DYNC1I1: variants seen among roughly 807,000 people sequenced by gnomAD.
DYNC1I1 encodes the protein dynein cytoplasmic 1 intermediate chain 1, also known as cytoplasmic dynein 1 intermediate chain 1.
In DYNC1I1, 43 loss-of-function variants were observed where a neutral mutation model predicts 86.6. That is an observed-to-expected ratio of 0.50 (90% CI 0.39 to 0.64). The LOEUF is 0.64. Ranked by LOEUF, DYNC1I1 falls within the 30% of genes least tolerant of loss-of-function variation. DYNC1I1 has a pLI of 0.00. For missense variants in DYNC1I1, 604 were observed against 788.8 expected (o/e 0.77, Z 2.81); for synonymous variants, 262 against 283.7 (o/e 0.92, Z 0.77).
intron 6 of DYNC1I1, among the ~76,000 whole-genome samples, chr7:95,903,007 A>T (rs319300): frequency 0.93 from 141,851 of 152,212 alleles, 66,464 homozygotes; most frequent in Non-Finnish European, 0.98. Context: ...ACTCAGGAAC[A>T]TCATTAATTT....
In DYNC1I1 at chr7:95,845,573, G is replaced by T. The variant is rs948170948; in HGVS notation, c.374+17457G>T. Among the ~76,000 whole-genome samples the T allele has an allele frequency of 3.9e-5, 6 of 152,296 alleles. 1 individual carries two copies. The highest frequency in any genetic ancestry group is 3.9e-4 in the Admixed American group (6 of 15,290). ...TGCCTGGTATGTTCTTGAGAATAAT[G>T]CCAGTTGAATTCTTTGAGCAAGTTG... On this transcript the variant is annotated intron_variant, in intron 5 of 16. Coordinates refer to ENST00000447467, the MANE Select transcript of DYNC1I1 (RefSeq NM_001135556.2).
At chr7:95,968,824 CTGTGTG>C (rs56022930) in intron 6 of DYNC1I1, among the ~76,000 whole-genome samples, 2,069 of 94,358 alleles carry the variant, frequency 0.022, 30 homozygotes, top group South Asian at 0.07. Context: ...ATTTTTTGCT[CTGTGTG>C]TGTGTGTGTG....
chr7:95,983,369 A>G (rs536065363), intron 7 of DYNC1I1, among the ~76,000 whole-genome samples: 1 of 152,298 alleles, frequency 6.6e-6, no homozygotes, highest in African/African-American at 2.4e-5. Flanking sequence ...TTCTTCTGCT[A>G]TAATGGATGA....
At chr7:95,786,406 C>T (rs151273486) in intron 1 of DYNC1I1, among the ~76,000 whole-genome samples, 13 of 152,224 alleles carry the variant, frequency 8.5e-5, no homozygotes, top group African/African-American at 2.4e-4. Flanking sequence ...CTCTTTAGTA[C>T]GTTATACCTT....
At chr7:95,862,748 C>T (rs1446038706) in intron 5 of DYNC1I1, among the ~76,000 whole-genome samples, 1 of 152,164 alleles carries the variant, frequency 6.6e-6, no homozygotes, top group Non-Finnish European at 1.5e-5. Context: ...AAAATGTGTA[C>T]AGCCATCTCT....
intron 11 of DYNC1I1, 81 bp downstream of exon 11, chr7:96,028,402 T>C: frequency 2.6e-6 from 4 of 1,509,986 alleles, no homozygotes; most frequent in Non-Finnish European, 2.7e-6. Flanking sequence ...AGTATGGATG[T>C]TTTCAGTAAT....
intron 7 of DYNC1I1, among the ~76,000 whole-genome samples, chr7:95,979,224 T>C (rs1347133620): frequency 1.3e-5 from 2 of 152,186 alleles, no homozygotes; most frequent in Non-Finnish European, 2.9e-5. Flanking sequence ...TGCAAGATAG[T>C]AATGAAAAAG....
At chr7:96,002,104 GC>G (rs1794026530) in intron 10 of DYNC1I1, among the ~76,000 whole-genome samples, 1 of 152,040 alleles carries the variant, frequency 6.6e-6, no homozygotes, top group Admixed American at 6.6e-5. Context: ...ACCCACCATG[GC>G]CAGGCCCTCA....
At chr7:95,916,984 C>T (rs116462700) in intron 6 of DYNC1I1, among the ~76,000 whole-genome samples, 1,582 of 152,256 alleles carry the variant, frequency 0.01, 17 homozygotes, top group African/African-American at 0.036. Flanking sequence ...TCTGCGGAGC[C>T]CTTAGCTGAC....
intron 16 of DYNC1I1, among the ~76,000 whole-genome samples, chr7:96,089,157 A>T (rs79978078): frequency 0.095 from 306 of 3,220 alleles, 2 homozygotes; most frequent in African/African-American, 0.35. Flanking sequence ...GTATGATTTA[A>T]AAAAAAAAAA....
In DYNC1I1 at chr7:95,887,186, A is replaced by T. The variant is rs114649694; in HGVS notation, c.490+17188A>T. 6.8e-3 allele frequency among the ~76,000 whole-genome samples: 1,028 copies of T among 152,168 alleles called. 19 individuals carry two copies. Among genetic ancestry groups the T allele is most frequent in the African/African-American group, 0.023 (939 of 41,510 alleles). Reference sequence around the variant, plus strand: ...CCTAGGGAGCTTTAAAAATATACAGATGTCTGGGCTTCACGAACCCCAGGG... The same window carrying T: ...CCTAGGGAGCTTTAAAAATATACAGTTGTCTGGGCTTCACGAACCCCAGGG... On this transcript the variant is annotated intron_variant, in intron 6 of 16. Transcript: ENST00000447467.
intron 12 of DYNC1I1, 92 bp downstream of exon 12, chr7:96,032,872 T>G: frequency 1.9e-6 from 2 of 1,044,660 alleles, no homozygotes; most frequent in African/African-American, 3.2e-5. Flanking sequence ...AACCCTCACA[T>G]CCTAGAGGAG....
intron 14 of DYNC1I1, among the ~76,000 whole-genome samples, chr7:96,069,082 T>A (rs908248407): frequency 1.3e-5 from 2 of 152,172 alleles, no homozygotes; most frequent in African/African-American, 4.8e-5. Context: ...TCCATCCTCA[T>A]CCCTGTACAC....
chr7:96,081,018 C>T (rs530946728), intron 16 of DYNC1I1, among the ~76,000 whole-genome samples: 1 of 148,046 alleles, frequency 6.8e-6, no homozygotes, highest in African/African-American at 2.5e-5. Context: ...TGCAGTGAGC[C>T]GAGATTGCAC....
intron 15 of DYNC1I1, among the ~76,000 whole-genome samples, chr7:96,076,560 A>G (rs1423092181): frequency 6.6e-6 from 1 of 152,154 alleles, no homozygotes; most frequent in East Asian, 1.9e-4. Flanking sequence ...GCTTTTGTGG[A>G]CGTCGATTTT....
chr7:95,979,797 G>T (rs1424090971), intron 7 of DYNC1I1, among the ~76,000 whole-genome samples: 1 of 152,036 alleles, frequency 6.6e-6, no homozygotes. Flanking sequence ...AAGACACAAG[G>T]CTTACTCTTT....
rs1336469940 is a variant in DYNC1I1, at chr7:96,052,516, A to T, written c.1509+13095A>T. 2.6e-5 allele frequency among the ~76,000 whole-genome samples: 4 copies of T among 152,300 alleles called. No individual in the cohort carries two copies. In the South Asian group the frequency reaches 8.3e-4, roughly 32 times the overall value. On this transcript the variant is annotated intron_variant, in intron 14 of 16. Coordinates refer to ENST00000447467, the MANE Select transcript of DYNC1I1 (RefSeq NM_001135556.2). ...TAAAATGGGGATTAAAATACCTCCT[A>T]TTTCATGAAGTTCTTGTGAAGATTA... is the stretch of plus-strand genomic sequence containing the variant.
intron 6 of DYNC1I1, among the ~76,000 whole-genome samples, chr7:95,877,692 A>G (rs1790345501): frequency 1.3e-5 from 2 of 152,266 alleles, no homozygotes; most frequent in South Asian, 4.1e-4. Context: ...AGCTTACCAG[A>G]CAGAACCAGG....
chr7:95,822,057 G>A lies in DYNC1I1; in HGVS notation c.315-6000G>A, dbSNP rs528260315. Reference sequence around the variant, plus strand: ...GAATGGAAACCACCAACTTGTTGTTGGTAAAAGCTGAATGGGAAGAAATTG... The same window carrying A: ...GAATGGAAACCACCAACTTGTTGTTAGTAAAAGCTGAATGGGAAGAAATTG... On this transcript the variant is annotated intron_variant, in intron 4 of 16. Coordinates refer to ENST00000447467, the MANE Select transcript of DYNC1I1 (RefSeq NM_001135556.2). Among the ~76,000 whole-genome samples the A allele has an allele frequency of 3.3e-5, 5 of 152,284 alleles. No homozygotes were observed. The South Asian group carries it at 1.0e-3, about 32-fold the overall frequency.
Sources: gnomAD v4.1 joint callset for allele counts (sites outside exome capture counted in the v4.1 genomes callset) on GRCh38, gnomAD v4.1.1 for gene constraint, MANE v1.5 for transcripts, NCBI Gene and HGNC (gene_info 2026-07-23, HGNC 2026-07-21) for gene names.